Variants in SSTR3 observed in about 807,000 individuals in gnomAD.
SSTR3 encodes somatostatin receptor type 3.
For missense variants in SSTR3, 504 were observed against 604.7 expected (o/e 0.83, Z 1.75); for synonymous variants, 281 against 269.2 (o/e 1.04, Z -0.43).
At chr22:37,217,952 C>T in the SSTR3 span, among the ~76,000 whole-genome samples, 1 of 152,200 alleles carries the variant, frequency 6.6e-6, no homozygotes, top group Non-Finnish European at 1.5e-5. Context: ...AATCCATCCA[C>T]CTCGGCCTCC....
Position 37,211,887 on chromosome 22 carries a change from C to A in SSTR3, c.-99G>T, listed in dbSNP as rs1179152487. The A allele has an allele frequency of 3.0e-6, 3 of 985,684 alleles. No homozygotes were observed. The African/African-American group carries it at 5.2e-5, about 17-fold the overall frequency. The allele number at this position is 985,684 out of a possible 1,614,324, so 61.1% of individuals were successfully genotyped here. ...GCTGGTTATCATTCTGCTGTCCCCTCTCCCTGCCCAGTCCCCAGGTGCCCC... is the reference window on the plus strand; with the variant it reads ...GCTGGTTATCATTCTGCTGTCCCCTATCCCTGCCCAGTCCCCAGGTGCCCC... On this transcript the variant is annotated 5_prime_UTR_variant, in exon 1 of 2. Transcript: ENST00000610913.
chr22:37,215,906 G>C, upstream of SSTR3: 1 of 261,196 alleles, frequency 3.8e-6, no homozygotes, highest in South Asian at 5.1e-5. Context: ...GAGAAACGGA[G>C]TCAACCACAC....
chr22:37,220,476 T>C, the SSTR3 span, among the ~76,000 whole-genome samples: 1 of 152,144 alleles, frequency 6.6e-6, no homozygotes, highest in Non-Finnish European at 1.5e-5. Context: ...TGCTTGAACC[T>C]GGGAGGTGGA....
In SSTR3 at chr22:37,207,263, A is replaced by G. The variant is rs769666782; in HGVS notation, c.541T>C (p.Phe181Leu). 1.7e-5 allele frequency: 28 copies of G among 1,600,534 alleles called. No individual in the cohort carries two copies. The Admixed American group carries it at 4.6e-4, about 26-fold the overall frequency. ...SAVVVLPVVV[F>L]SGVPRGMSTC... is the part of the protein sequence containing the mutation. ...CTCATGCCGCGGGGCACTCCCGAGA[A>G]GACCACCACGGGCAGCACCACCACG... is the stretch of plus-strand genomic sequence containing the variant. Residue 181 changes from phenylalanine (F) to leucine (L), a missense_variant, in exon 2 of 2, where the codon TTC (phenylalanine) becomes CTC (leucine). Transcript: ENST00000610913.
At chr22:37,215,821 G>T, upstream of SSTR3, 1 of 289,832 alleles carries the variant, frequency 3.5e-6, no homozygotes, top group South Asian at 3.7e-5. Context: ...AGATCCACTG[G>T]GGAATGGGAC....
the SSTR3 span, among the ~76,000 whole-genome samples, chr22:37,220,405 A>G: frequency 2.0e-5 from 3 of 152,124 alleles, no homozygotes; most frequent in East Asian, 1.9e-4. Flanking sequence ...TACAAAAACT[A>G]CCTGGGTGTG....
Position 37,207,797 on chromosome 22 carries a change from T to C in SSTR3, c.7A>G (p.Met3Val), listed in dbSNP as rs1381736584. 5 of 1,506,062 alleles carry C rather than the reference T, an allele frequency of 3.3e-6. No individual in the cohort carries two copies. Among genetic ancestry groups the C allele is most frequent in the Non-Finnish European group, 4.4e-6 (5 of 1,127,720 alleles). The allele number at this position is 1,506,062 out of a possible 1,614,324, so 93.3% of individuals were successfully genotyped here. The stretch of plus-strand genomic sequence containing the variant: ...GTGGACACCGATGATGGATGAAGCA[T>C]GTCCATGGCTGAGGGGAGGGTGGTC... The part of the protein sequence containing the change: MD[M>V]LHPSSVSTTS... Residue 3 changes from methionine (M) to valine (V), a missense_variant, in exon 2 of 2, where the codon ATG (methionine) becomes GTG (valine). Met to Val is a conservative substitution (Grantham distance 21). Transcript: ENST00000610913.
In SSTR3 at chr22:37,206,198, A is replaced by G. The variant is rs1288367000; in HGVS notation, c.*349T>C. 2 of 221,946 alleles carry G rather than the reference A, an allele frequency of 9.0e-6. No individual in the cohort carries two copies. Among genetic ancestry groups the G allele is most frequent in the African/African-American group, 4.6e-5 (2 of 43,786 alleles). 13.7% of individuals were successfully genotyped at this position (221,946 alleles called of 1,614,324 possible). The stretch of plus-strand genomic sequence containing the variant: ...GCCTTGGTTTATCCCTCTGAGGGCC[A>G]AGATTCTAGTTGATGCCCCAAGACA... On this transcript the variant is annotated 3_prime_UTR_variant, in exon 2 of 2. Coordinates refer to ENST00000610913, the MANE Select transcript of SSTR3 (RefSeq NM_001051.5).
upstream of SSTR3, among the ~76,000 whole-genome samples, chr22:37,214,797 TC>T (rs1372512404): frequency 6.6e-6 from 1 of 152,134 alleles, no homozygotes; most frequent in Non-Finnish European, 1.5e-5. Flanking sequence ...AAATCCACAG[TC>T]CCGACCGCGG....
chr22:37,219,391 A>T, the SSTR3 span, among the ~76,000 whole-genome samples: 1 of 133,326 alleles, frequency 7.5e-6, no homozygotes, highest in African/African-American at 3.2e-5. Flanking sequence ...GCACATAGTT[A>T]ATAGGTGGGA....
chr22:37,209,758 G>C (rs1402603574), intron 1 of SSTR3, among the ~76,000 whole-genome samples: 1 of 152,198 alleles, frequency 6.6e-6, no homozygotes, highest in Admixed American at 6.5e-5. Context: ...CCACCTCTAC[G>C]CCCATTCCAC....
rs139907762 is a variant in SSTR3, at chr22:37,207,072, C to T, written c.732G>A (p.Ser244=). ...GTTCGGAGCGCCGCCGCCGCTGGCA[C>T]GAGGGTGCCCACACCCGGCGCCCAG... ...RSAGRRVWAP[S]CQRRRRSERR... is the part of the protein sequence containing the mutation. The change falls in exon 2 of 2, where the codon TCG becomes TCA. Residue 244 remains serine, a synonymous_variant. Transcript: ENST00000610913. 66 of 1,612,126 alleles carry T rather than the reference C, an allele frequency of 4.1e-5. No individual in the cohort carries two copies. The African/African-American group carries it at 5.1e-4, about 12-fold the overall frequency.
chr22:37,220,358 C>A, the SSTR3 span, among the ~76,000 whole-genome samples: 2 of 152,102 alleles, frequency 1.3e-5, no homozygotes, highest in Non-Finnish European at 2.9e-5. Flanking sequence ...ATACCCCCAG[C>A]CTGGCCAACA....
chr22:37,210,833 C>T (rs536527351), intron 1 of SSTR3: 19 of 985,356 alleles, frequency 1.9e-5, no homozygotes, highest in Non-Finnish European at 2.0e-5. Flanking sequence ...AAGGCAGGGG[C>T]CCTGAATGAT....
chr22:37,206,236 G>A lies in SSTR3; in HGVS notation c.*311C>T, dbSNP rs1162485862. On this transcript the variant is annotated 3_prime_UTR_variant, in exon 2 of 2. Transcript: ENST00000610913. ...ATGCCCCAAGACACTCCATCCCTGG[G>A]GGGAGGCCAGTCTGCACCCACCTTT... 3.1e-6 allele frequency: 1 copy of A among 322,816 alleles called. No homozygotes were observed. Among genetic ancestry groups the A allele is most frequent in the African/African-American group, 2.2e-5 (1 of 46,374 alleles). 20.0% of individuals were successfully genotyped at this position (322,816 alleles called of 1,614,324 possible). A position where few individuals can be genotyped will look rare whatever the true frequency, so the allele number is the denominator to read the frequency against.
chr22:37,220,251 G>A, the SSTR3 span, among the ~76,000 whole-genome samples: 11 of 152,130 alleles, frequency 7.2e-5, no homozygotes, highest in Non-Finnish European at 1.3e-4. Context: ...TGGAAGGAGC[G>A]GCTTGAGCAA....
Position 37,212,224 on chromosome 22 carries a change from AAAGAGGGAGGGGGAGAGAGAG to A in SSTR3, c.-457_-437del. ...GAGGTGGAGAAAGAGAGAGAGAGAG[AAAGAGGGAGGGGGAGAGAGAG>A]AGAGGGAGAGGGAGAGGAGACCGTG... On this transcript the variant is annotated 5_prime_UTR_variant, in exon 1 of 2. Coordinates refer to ENST00000610913, the MANE Select transcript of SSTR3 (RefSeq NM_001051.5). 3 of 845,146 alleles carry A rather than the reference AAAGAGGGAGGGGGAGAGAGAG, an allele frequency of 3.5e-6. No individual in the cohort carries two copies. Among genetic ancestry groups the A allele is most frequent in the Non-Finnish European group, 4.3e-6 (3 of 703,882 alleles). The allele number at this position is 845,146 out of a possible 1,614,324, so 52.4% of individuals were successfully genotyped here.
In SSTR3 at chr22:37,207,846, G is replaced by A. The variant is rs1438233344; in HGVS notation, c.-36-7C>T. On this transcript the variant is annotated splice_polypyrimidine_tract_variant and splice_region_variant and intron_variant, in intron 1 of 1. Transcript: ENST00000610913. ...TCAGCAGTCAGCTATTTGCCTGGGGGAAGGAAAAACAGCTCGGTCACAGCA... is the reference window on the plus strand; with the variant it reads ...TCAGCAGTCAGCTATTTGCCTGGGGAAAGGAAAAACAGCTCGGTCACAGCA... 78 of 1,478,414 alleles carry A rather than the reference G, an allele frequency of 5.3e-5. No homozygotes were observed. Among genetic ancestry groups the A allele is most frequent in the Non-Finnish European group, 6.3e-5 (70 of 1,117,662 alleles). The allele number at this position is 1,478,414 out of a possible 1,614,324, so 91.6% of individuals were successfully genotyped here.
upstream of SSTR3, among the ~76,000 whole-genome samples, chr22:37,212,903 A>T (rs1926279198): frequency 6.6e-6 from 1 of 152,184 alleles, no homozygotes; most frequent in South Asian, 2.1e-4. Flanking sequence ...CAGGGTGAGG[A>T]GTGGAAGGAC....
Sources: gnomAD v4.1 joint callset for allele counts (sites outside exome capture counted in the v4.1 genomes callset) on GRCh38, gnomAD v4.1.1 for gene constraint, MANE v1.5 for transcripts, NCBI Gene and HGNC (gene_info 2026-07-23, HGNC 2026-07-21) for gene names.